Variants in AP3B1 observed in about 807,000 individuals in gnomAD.
AP3B1 encodes AP-3 complex subunit beta-1.
Under a neutral mutation model 132.5 loss-of-function variants are expected in AP3B1, and 61 were observed. The observed-to-expected ratio is 0.46, with a 90% confidence interval of 0.37 to 0.57. The LOEUF (loss-of-function observed/expected upper bound fraction) is 0.57. Ranked by LOEUF, AP3B1 falls within the 20% of genes least tolerant of loss-of-function variation. The probability of loss-of-function intolerance (pLI) is 0.00; values close to 1 mark genes in which losing one functional copy is unlikely to be tolerated. For synonymous variants in AP3B1, 388 were observed against 438.3 expected (o/e 0.89, Z 1.43); for missense variants, 1,120 against 1,289.4 (o/e 0.87, Z 2.01).
At chr5:78,106,461 A>AG (rs1751341715) in intron 20 of AP3B1, among the ~76,000 whole-genome samples, 1 of 147,488 alleles carries the variant, frequency 6.8e-6, no homozygotes, top group African/African-American at 2.4e-5. Context: ...CTGTCTCAAA[A>AG]AAAAGAAAGA....
intron 2 of AP3B1, among the ~76,000 whole-genome samples, chr5:78,246,009 A>G (rs1747365087): frequency 2.6e-5 from 4 of 152,278 alleles, no homozygotes; most frequent in Middle Eastern, 3.4e-3. Context: ...AGTTGAGGAG[A>G]TAACATAAGG....
chr5:78,145,315 G>A (rs547942186), intron 14 of AP3B1, among the ~76,000 whole-genome samples: 128 of 152,274 alleles, frequency 8.4e-4, no homozygotes, highest in African/African-American at 2.7e-3. Context: ...AGAGCTTTAC[G>A]TATTTTCTCA....
intron 22 of AP3B1, among the ~76,000 whole-genome samples, chr5:78,065,092 T>C (rs1369242230): frequency 2.0e-5 from 3 of 152,100 alleles, no homozygotes; most frequent in Non-Finnish European, 2.9e-5. Flanking sequence ...AGGAGCCACA[T>C]GGGGCAAGAG....
chr5:78,097,493 C>T (rs1376873995), intron 21 of AP3B1, among the ~76,000 whole-genome samples: 3 of 119,504 alleles, frequency 2.5e-5, no homozygotes, highest in African/African-American at 9.8e-5. Context: ...CCAGCCGCCC[C>T]GTCCGGGAGG....
rs1274082365 is a variant in AP3B1, at chr5:78,216,054, C to G, written c.786+1G>C. The stretch of plus-strand genomic sequence containing the variant: ...AAAGTGGAAGACTGTTCAACACTTA[C>G]CTCTTTCCAAGGGCTGACAAACTGT... On this transcript the variant is annotated splice_donor_variant, in intron 7 of 26. Transcript: ENST00000255194. LOFTEE classifies it high-confidence loss of function. The G allele has an allele frequency of 6.2e-7, 1 of 1,613,914 alleles. No individual in the cohort carries two copies. The highest frequency in any genetic ancestry group is 1.3e-5 in the African/African-American group (1 of 75,032).
intron 11 of AP3B1, among the ~76,000 whole-genome samples, chr5:78,175,085 T>C (rs1193349308): frequency 6.6e-6 from 1 of 152,222 alleles, no homozygotes; most frequent in Non-Finnish European, 1.5e-5. Context: ...AAAGCGCAGT[T>C]TTTGGGTGAG....
intron 26 of AP3B1, among the ~76,000 whole-genome samples, chr5:78,009,079 G>A (rs1746508302): frequency 6.6e-6 from 1 of 152,272 alleles, no homozygotes; most frequent in Admixed American, 6.5e-5. Flanking sequence ...CAAAAATAAT[G>A]TGTACCAGTA....
chr5:78,134,968 A>G (rs968820113), intron 15 of AP3B1, among the ~76,000 whole-genome samples: 4 of 152,128 alleles, frequency 2.6e-5, no homozygotes, highest in African/African-American at 9.7e-5. Flanking sequence ...TCCTTTCTGT[A>G]TTATATTTAC....
At chr5:78,089,636 T>A in intron 21 of AP3B1, 137 bp from the exon 22 acceptor site, 2 of 700,488 alleles carry the variant, frequency 2.9e-6, no homozygotes, top group South Asian at 3.2e-5. Context: ...TTTAACATCT[T>A]GATTTAGTCA....
In AP3B1 at chr5:78,002,798, C is replaced by A; in HGVS notation, c.*104G>T. ...AAGAATGTCAAGAGTGTATTCTACC[C>A]CCACTGCCAGATGGAAGGGCTATTA... On this transcript the variant is annotated 3_prime_UTR_variant, in exon 27 of 27. Transcript: ENST00000255194. 7.7e-7 allele frequency: 1 copy of A among 1,292,158 alleles called. No individual in the cohort carries two copies. The highest frequency in any genetic ancestry group is 1.2e-5 in the South Asian group (1 of 84,534). The allele number at this position is 1,292,158 out of a possible 1,614,324, so 80.0% of individuals were successfully genotyped here. A position where few individuals can be genotyped will look rare whatever the true frequency, so the allele number is the denominator to read the frequency against.
chr5:78,040,821 C>A (rs1052611698), intron 22 of AP3B1, among the ~76,000 whole-genome samples: 3 of 152,124 alleles, frequency 2.0e-5, no homozygotes, highest in Non-Finnish European at 4.4e-5. Context: ...CACCTGATGA[C>A]ATTACAAACG....
chr5:78,082,113 C>T (rs1355307774), intron 22 of AP3B1, among the ~76,000 whole-genome samples: 6 of 152,050 alleles, frequency 3.9e-5, no homozygotes, highest in African/African-American at 1.2e-4. Context: ...TTCACTGAGT[C>T]GCTTTTCCTG....
intron 20 of AP3B1, among the ~76,000 whole-genome samples, chr5:78,101,581 T>C (rs1404452051): frequency 6.6e-6 from 1 of 152,098 alleles, no homozygotes; most frequent in East Asian, 1.9e-4. Context: ...TCTTTCTTTT[T>C]AGAGTTGAAA....
intron 15 of AP3B1, among the ~76,000 whole-genome samples, chr5:78,138,513 TCTC>T (rs2112320945): frequency 6.6e-6 from 1 of 152,214 alleles, no homozygotes; most frequent in Admixed American, 6.5e-5. Flanking sequence ...ATTCTCTCAA[TCTC>T]CTCTTCTTGA....
chr5:78,150,204 C>T (rs190898054), intron 14 of AP3B1, among the ~76,000 whole-genome samples: 4 of 152,208 alleles, frequency 2.6e-5, no homozygotes, highest in Admixed American at 2.6e-4. Flanking sequence ...AAACATTAAC[C>T]AGCACTCAAG....
intron 25 of AP3B1, among the ~76,000 whole-genome samples, chr5:78,016,804 T>C (rs1438939821): frequency 6.6e-6 from 1 of 152,090 alleles, no homozygotes; most frequent in Non-Finnish European, 1.5e-5. Flanking sequence ...TTAGACCGTT[T>C]AACTTCAATA....
intron 7 of AP3B1, among the ~76,000 whole-genome samples, chr5:78,204,562 C>G (rs1485566804): frequency 6.6e-6 from 1 of 152,196 alleles, no homozygotes; most frequent in East Asian, 1.9e-4. Flanking sequence ...ATTCCATCCT[C>G]CAGCCTTTTG....
chr5:78,291,303 G>A (rs1474441742), intron 1 of AP3B1, among the ~76,000 whole-genome samples: 1 of 150,800 alleles, frequency 6.6e-6, no homozygotes, highest in Non-Finnish European at 1.5e-5. Flanking sequence ...CCATTTTGCA[G>A]CCATTGTGGA....
intron 21 of AP3B1, among the ~76,000 whole-genome samples, chr5:78,097,087 G>A (rs1357508095): frequency 8.1e-6 from 1 of 122,714 alleles, no homozygotes; most frequent in African/African-American, 3.2e-5. Context: ...CGCCCGGCCA[G>A]CCGCCCCGTC....
Sources: allele counts gnomAD v4.1 joint callset (sites outside exome capture counted in the v4.1 genomes callset), GRCh38; gene constraint gnomAD v4.1.1; transcripts MANE v1.5; gene names NCBI Gene and HGNC (gene_info 2026-07-23, HGNC 2026-07-21).